DPYD: variants seen among roughly 807,000 people sequenced by gnomAD.
DPYD encodes the protein dihydropyrimidine dehydrogenase [NADP(+)].
In DPYD, 109 loss-of-function variants were observed where a neutral mutation model predicts 116.2. The ratio of observed to expected loss-of-function variants is 0.94; its 90% CI spans 0.80 to 1.10. The LOEUF (loss-of-function observed/expected upper bound fraction) is 1.10. Ranked by LOEUF, DPYD falls within the 50% of genes least tolerant of loss-of-function variation. DPYD has a pLI of 0.00. For missense variants in DPYD, 1,302 were observed against 1,254.5 expected (o/e 1.04, Z -0.57); for synonymous variants, 440 against 432.0 (o/e 1.02, Z -0.23).
intron 14 of DPYD, among the ~76,000 whole-genome samples, chr1:97,416,827 C>T (rs752791296): frequency 6.6e-6 from 1 of 152,104 alleles, no homozygotes; most frequent in Non-Finnish European, 1.5e-5. Context: ...GCTCATCGAA[C>T]CCCCTTTTAG....
At chr1:97,719,231 G>A (rs1412296672) in intron 5 of DPYD, among the ~76,000 whole-genome samples, 1 of 147,538 alleles carries the variant, frequency 6.8e-6, no homozygotes, top group Non-Finnish European at 1.5e-5. Context: ...TGCATCATGT[G>A]ATTTATTCCT....
intron 16 of DPYD, among the ~76,000 whole-genome samples, chr1:97,361,934 G>A (rs945285188): frequency 1.3e-5 from 2 of 152,210 alleles, no homozygotes; most frequent in African/African-American, 2.4e-5. Flanking sequence ...ATTACACATA[G>A]TGTTGGAAGT....
intron 1 of DPYD, among the ~76,000 whole-genome samples, chr1:97,909,464 A>G (rs981286725): frequency 6.6e-6 from 1 of 152,086 alleles, no homozygotes; most frequent in African/African-American, 2.4e-5. Flanking sequence ...CTTTACAGGA[A>G]AACTTTTCTC....
intron 3 of DPYD, among the ~76,000 whole-genome samples, chr1:97,759,986 C>A (rs1242063695): frequency 6.6e-6 from 1 of 152,006 alleles, no homozygotes; most frequent in Non-Finnish European, 1.5e-5. Flanking sequence ...TGGGAAGAAA[C>A]AAGATAAATG....
rs541623342 is a variant in DPYD, at chr1:97,229,530, C to T, written c.2442+5322G>A. Among the ~76,000 whole-genome samples, 7 of 130,624 alleles carry T rather than the reference C, an allele frequency of 5.4e-5. No individual in the cohort carries two copies. In the South Asian group the frequency reaches 1.8e-3, roughly 33 times the overall value. 85.7% of individuals were successfully genotyped at this position (130,624 alleles called of 152,430 possible). A position where few individuals can be genotyped will look rare whatever the true frequency, so the allele number is the denominator to read the frequency against. On this transcript the variant is annotated intron_variant, in intron 19 of 22. Transcript: ENST00000370192. Reference sequence around the variant, plus strand: ...AATTATAAATTCAAATATTTCCCACCTTATGACCATCCTAAGTATATATAT... The same window carrying T: ...AATTATAAATTCAAATATTTCCCACTTTATGACCATCCTAAGTATATATAT...
intron 20 of DPYD, among the ~76,000 whole-genome samples, chr1:97,180,787 C>T (rs1161434635): frequency 6.6e-6 from 1 of 151,928 alleles, no homozygotes; most frequent in East Asian, 1.9e-4. Context: ...ATGAATGTGA[C>T]AAAAGAAGTA....
intron 20 of DPYD, among the ~76,000 whole-genome samples, chr1:97,125,538 C>A (rs1056281934): frequency 6.6e-6 from 1 of 152,028 alleles, no homozygotes; most frequent in African/African-American, 2.4e-5. Flanking sequence ...ACTCAGTTTA[C>A]TCAACAGGCC....
At chr1:97,411,029 T>C (rs1673962044) in intron 14 of DPYD, among the ~76,000 whole-genome samples, 1 of 152,076 alleles carries the variant, frequency 6.6e-6, no homozygotes, top group Non-Finnish European at 1.5e-5. Context: ...GAGGAAAGAA[T>C]GGACGGTGGG....
At chr1:97,464,311 A>G (rs1677191898) in intron 13 of DPYD, among the ~76,000 whole-genome samples, 1 of 152,108 alleles carries the variant, frequency 6.6e-6, no homozygotes. Context: ...CAACCTGGCA[A>G]TGAGATAAAA....
chr1:97,809,120 G>A (rs559192549), intron 3 of DPYD, among the ~76,000 whole-genome samples: 78 of 152,142 alleles, frequency 5.1e-4, no homozygotes, highest in Non-Finnish European at 1.0e-3. Flanking sequence ...TCACTAGTGG[G>A]TTTTGAACAG....
chr1:97,801,431 TA>T (rs1281695567), intron 3 of DPYD, among the ~76,000 whole-genome samples: 1 of 151,894 alleles, frequency 6.6e-6, no homozygotes, highest in African/African-American at 2.4e-5. Flanking sequence ...CTTATGTCAC[TA>T]ATTATGGCCC....
At chr1:97,471,622 T>C (rs1003806348) in intron 13 of DPYD, among the ~76,000 whole-genome samples, 1 of 151,086 alleles carries the variant, frequency 6.6e-6, no homozygotes, top group Non-Finnish European at 1.5e-5. Flanking sequence ...ACAGTTTTGC[T>C]CTGTCGCCCA....
intron 19 of DPYD, among the ~76,000 whole-genome samples, chr1:97,204,964 T>G (rs1352581242): frequency 1.3e-5 from 2 of 152,044 alleles, no homozygotes; most frequent in Non-Finnish European, 2.9e-5. Flanking sequence ...AAGGGTCCCT[T>G]TTGGCCTCCA....
chr1:97,412,318 T>C (rs904236397), intron 14 of DPYD, among the ~76,000 whole-genome samples: 13 of 152,192 alleles, frequency 8.5e-5, no homozygotes, highest in African/African-American at 3.1e-4. Context: ...TTCTCATTGT[T>C]CATACTTTCC....
At chr1:97,282,994 T>C (rs1017194567) in intron 18 of DPYD, among the ~76,000 whole-genome samples, 2 of 152,150 alleles carry the variant, frequency 1.3e-5, no homozygotes, top group African/African-American at 4.8e-5. Flanking sequence ...TCCATGTCTT[T>C]GCTATTGTGA....
At chr1:97,098,684 A>C (rs1436079048) in intron 20 of DPYD, 52 bp from the exon 21 acceptor site, 1 of 1,593,562 alleles carries the variant, frequency 6.3e-7, no homozygotes. Context: ...AGAAGAGAAA[A>C]ATGGGAAGAT....
chr1:97,212,617 T>C (rs1660111667), intron 19 of DPYD, among the ~76,000 whole-genome samples: 3 of 152,170 alleles, frequency 2.0e-5, no homozygotes, highest in African/African-American at 7.2e-5. Flanking sequence ...GTATGGTACA[T>C]TTTTGTAACA....
intron 16 of DPYD, among the ~76,000 whole-genome samples, chr1:97,357,823 T>TATTTCAATTAAGATAATGGAATCTC (rs1373487540): frequency 6.6e-6 from 1 of 152,164 alleles, no homozygotes; most frequent in Non-Finnish European, 1.5e-5. Flanking sequence ...TAATGACCTC[T>TATTTCAATTAAGATAATGGAATCTC]AGGATTCCAT....
chr1:97,577,441 A>G (rs111242355), intron 10 of DPYD, among the ~76,000 whole-genome samples: 3,150 of 152,096 alleles, frequency 0.021, 107 homozygotes, highest in African/African-American at 0.072. Flanking sequence ...CTTGCTTTAA[A>G]CCAACCAGTT....
Sources: allele counts gnomAD v4.1 joint callset (sites outside exome capture counted in the v4.1 genomes callset), GRCh38; gene constraint gnomAD v4.1.1; transcripts MANE v1.5; gene names NCBI Gene and HGNC (gene_info 2026-07-23, HGNC 2026-07-21).